Variants in CNBD2 observed in about 807,000 individuals in gnomAD.
The protein encoded by CNBD2 is cyclic nucleotide binding domain containing 2, also known as cyclic nucleotide-binding domain-containing protein 2.
In CNBD2, 64 loss-of-function variants were observed where a neutral mutation model predicts 63.7. The ratio of observed to expected loss-of-function variants is 1.00; its 90% CI spans 0.82 to 1.24. The LOEUF (loss-of-function observed/expected upper bound fraction) is 1.24. Among genes scored for constraint, CNBD2 ranks in the 50% most tolerant of loss-of-function variants. The probability of loss-of-function intolerance (pLI) is 0.00; values close to 1 mark genes in which losing one functional copy is unlikely to be tolerated. For synonymous variants in CNBD2, 229 were observed against 255.4 expected, an observed-to-expected ratio of 0.90 and a Z score of 0.99; for missense variants, 691 against 713.5, an observed-to-expected ratio of 0.97 and a Z score of 0.36.
At chr20:36,018,084 A>G (rs768460779) in intron 10 of CNBD2, among the ~76,000 whole-genome samples, 12 of 152,214 alleles carry the variant, frequency 7.9e-5, no homozygotes, top group Non-Finnish European at 1.6e-4. Context: ...TCTTACATTT[A>G]TACGTCTTTG....
intron 1 of CNBD2, among the ~76,000 whole-genome samples, chr20:35,971,417 A>G (rs1298986594): frequency 6.6e-6 from 1 of 151,824 alleles, no homozygotes; most frequent in African/African-American, 2.4e-5. Context: ...AGTCATATTC[A>G]ATTTCCTTAT....
chr20:36,021,324 A>G (rs372938065), intron 10 of CNBD2, among the ~76,000 whole-genome samples: 1 of 152,232 alleles, frequency 6.6e-6, no homozygotes, highest in South Asian at 2.1e-4. Context: ...CAAATATTGT[A>G]TGTTCTCACT....
chr20:35,958,500 A>G (rs766694399), downstream of CNBD2, among the ~76,000 whole-genome samples: 2 of 152,226 alleles, frequency 1.3e-5, no homozygotes, highest in Admixed American at 6.5e-5. Flanking sequence ...AATAGTTCAG[A>G]GAGGTTTCAT....
chr20:36,001,889 C>T (rs1332837352), intron 8 of CNBD2, among the ~76,000 whole-genome samples: 80 of 150,388 alleles, frequency 5.3e-4, no homozygotes, highest in Non-Finnish European at 7.7e-4. Flanking sequence ...GGCGGCCGGG[C>T]AGAGACGCTC....
At chr20:36,006,768 C>A (rs571264655) in intron 8 of CNBD2, among the ~76,000 whole-genome samples, 19 of 152,284 alleles carry the variant, frequency 1.2e-4, no homozygotes, top group South Asian at 6.2e-4. Flanking sequence ...AGAACATTTC[C>A]ATCACCCCAC....
upstream of CNBD2, chr20:35,968,513 C>A: frequency 2.5e-6 from 1 of 407,880 alleles, no homozygotes. Flanking sequence ...GTTAGACTCC[C>A]ACATTCCAAT....
intron 4 of CNBD2, among the ~76,000 whole-genome samples, chr20:35,982,682 T>G (rs1210768069): frequency 6.6e-6 from 1 of 152,156 alleles, no homozygotes; most frequent in Non-Finnish European, 1.5e-5. Context: ...ATCCTGTATG[T>G]GACCATAATT....
chr20:36,012,430 A>T lies in CNBD2; in HGVS notation c.1269+1173A>T, dbSNP rs1321599488. Among the ~76,000 whole-genome samples, 3 of 151,496 alleles carry T rather than the reference A, an allele frequency of 2.0e-5. No homozygotes were observed. The East Asian group carries it at 5.8e-4, about 29-fold the overall frequency. On this transcript the variant is annotated intron_variant, in intron 10 of 11. Coordinates refer to ENST00000373973, the MANE Select transcript of CNBD2 (RefSeq NM_001365709.1). ...GAGGCAGAGGTTGAAGTGAGCCGAG[A>T]TTGTGCCACTGCACTCCTCTTGGGT...
intron 3 of CNBD2, among the ~76,000 whole-genome samples, chr20:35,978,174 AT>A (rs2056546389): frequency 6.6e-6 from 1 of 152,022 alleles, no homozygotes. Flanking sequence ...ATTTATGTAA[AT>A]TTTTTATTTT....
At position 35,995,159 on chromosome 20, in the gene CNBD2, T is replaced by C. The variant is rs753700202; in HGVS notation, c.970+7T>C. ...CTGAAGACCCACCTGAGTGGTAAGC[T>C]GCCTTGGCCTGTCTGACAGCAGGGG... On this transcript the variant is annotated splice_region_variant and intron_variant, in intron 8 of 11. Coordinates refer to ENST00000373973, the MANE Select transcript of CNBD2 (RefSeq NM_001365709.1). 1.2e-6 allele frequency: 2 copies of C among 1,600,970 alleles called. No individual in the cohort carries two copies. The highest frequency in any genetic ancestry group is 1.7e-6 in the Non-Finnish European group (2 of 1,169,054).
chr20:35,992,885 C>G (rs577151506), intron 7 of CNBD2, among the ~76,000 whole-genome samples: 76 of 152,070 alleles, frequency 5.0e-4, no homozygotes, highest in Admixed American at 1.3e-3. Context: ...GCTGTCCCGA[C>G]TCCTGTAGTT....
chr20:35,966,802 G>A (rs2056348679), upstream of CNBD2, among the ~76,000 whole-genome samples: 1 of 152,094 alleles, frequency 6.6e-6, no homozygotes, highest in Non-Finnish European at 1.5e-5. Context: ...CTGTAACAAA[G>A]TACACCCATT....
At chr20:36,006,035 C>CTT (rs999690758) in intron 8 of CNBD2, among the ~76,000 whole-genome samples, 1 of 143,138 alleles carries the variant, frequency 7.0e-6, no homozygotes, top group Non-Finnish European at 1.5e-5. Flanking sequence ...TTTTTTTTTT[C>CTT]TTTTTTTTTT....
chr20:35,986,061 A>G (rs530959001), intron 6 of CNBD2, among the ~76,000 whole-genome samples: 3 of 152,350 alleles, frequency 2.0e-5, no homozygotes, highest in African/African-American at 7.2e-5. Context: ...ATAGCAAAAG[A>G]TTTTTGGTTT....
chr20:35,999,108 G>A lies in CNBD2; in HGVS notation c.970+3956G>A, dbSNP rs899907608. 5.3e-5 allele frequency among the ~76,000 whole-genome samples: 8 copies of A among 152,154 alleles called. No homozygotes were observed. The South Asian group carries it at 1.7e-3, about 32-fold the overall frequency. On this transcript the variant is annotated intron_variant, in intron 8 of 11. Coordinates refer to ENST00000373973, the MANE Select transcript of CNBD2 (RefSeq NM_001365709.1). ...ACCTACTTTTTCTGATGTAAATTCA[G>A]CCACTTCTTTTGATTTAGTGTAGCT...
At chr20:35,983,836 C>T in intron 4 of CNBD2, 146 bp from the exon 5 acceptor site, 2 of 808,394 alleles carry the variant, frequency 2.5e-6, no homozygotes, top group Non-Finnish European at 4.0e-6. Context: ...GCTTGACTGG[C>T]AGGGCTGGGC....
intron 10 of CNBD2, among the ~76,000 whole-genome samples, 157 bp downstream of exon 10, chr20:36,011,414 C>T (rs1017622266): frequency 6.6e-6 from 1 of 152,166 alleles, no homozygotes; most frequent in Non-Finnish European, 1.5e-5. Flanking sequence ...AGGCCGGGCG[C>T]GGTGGCTCAC....
chr20:36,004,787 T>A (rs577440991), intron 8 of CNBD2, among the ~76,000 whole-genome samples: 42 of 152,200 alleles, frequency 2.8e-4, no homozygotes, highest in Admixed American at 2.7e-3. Flanking sequence ...GGTCTTGAAC[T>A]CCTGGCCTCA....
chr20:35,975,450 G>A (rs1280512998), intron 2 of CNBD2, among the ~76,000 whole-genome samples: 13 of 99,030 alleles, frequency 1.3e-4, no homozygotes, highest in South Asian at 3.7e-4. Context: ...ACAGGCGCCC[G>A]CTACCACGCC....
Sources: allele counts gnomAD v4.1 joint callset (sites outside exome capture counted in the v4.1 genomes callset), GRCh38; gene constraint gnomAD v4.1.1; transcripts MANE v1.5; gene names NCBI Gene and HGNC (gene_info 2026-07-23, HGNC 2026-07-21).